The following SDK2 variants were observed in gnomAD, a reference collection of about 807,000 sequenced individuals.
The protein encoded by SDK2 is sidekick cell adhesion molecule 2.
SDK2 carries 105 observed loss-of-function variants against 253.9 expected under a neutral mutation model. The observed-to-expected ratio is 0.41, with a 90% CI of 0.35 to 0.49. The LOEUF (loss-of-function observed/expected upper bound fraction) is 0.49, where lower values mean the gene tolerates loss of function less well. Among genes scored for constraint, SDK2 ranks in the 20% least tolerant of loss-of-function variants. SDK2 has a pLI of 0.06. For missense variants in SDK2, 2,608 were observed against 3,003.0 expected (o/e 0.87, Z 3.07); for synonymous variants, 1,249 against 1,234.9 (o/e 1.01, Z -0.24).
At chr17:73,564,735 G>C (rs1410881725) in intron 1 of SDK2, among the ~76,000 whole-genome samples, 4 of 152,144 alleles carry the variant, frequency 2.6e-5, no homozygotes, top group Non-Finnish European at 5.9e-5. Context: ...TGAGGCAGGA[G>C]GATCGCTTGA....
chr17:73,591,746 G>T (rs897275165), intron 1 of SDK2, among the ~76,000 whole-genome samples: 2 of 152,274 alleles, frequency 1.3e-5, no homozygotes, highest in East Asian at 3.9e-4. Context: ...AAGGAGACCT[G>T]GTCCCCATCC....
In SDK2 at chr17:73,472,082, C is replaced by T. The variant is rs773108371; in HGVS notation, c.331+30G>A. 1.6e-5 allele frequency: 24 copies of T among 1,501,530 alleles called. No individual in the cohort carries two copies. In the African/African-American group the frequency reaches 2.8e-4, roughly 17 times the overall value. 93.0% of individuals were successfully genotyped at this position (1,501,530 alleles called of 1,614,324 possible). ...TGCCACTCTGGCACCACAGTCGCCC[C>T]CCCTGCCCCTGGGTCCCCATTGTAC... is the stretch of plus-strand genomic sequence containing the variant. On this transcript the variant is annotated intron_variant, in intron 3 of 44. Transcript: ENST00000392650.
At position 73,402,054 on chromosome 17, in the gene SDK2, C is replaced by A. The variant is rs772950192; in HGVS notation, c.2572G>T (p.Val858Leu). The change falls in exon 19 of 45, where the codon GTG becomes TTG. Residue 858 changes from valine to leucine, a missense_variant. Transcript: ENST00000392650. ...TCGGTGAACTTCTTCAGGCCAGACACGAAGCCCACGTGGATGCTGTCTTGA... is the reference window on the plus strand; with the variant it reads ...TCGGTGAACTTCTTCAGGCCAGACAAGAAGCCCACGTGGATGCTGTCTTGA... ...NFQDSIHVGF[V>L]SGLKKFTEYF... 3.1e-6 allele frequency: 5 copies of A among 1,613,916 alleles called. No individual in the cohort carries two copies. The highest frequency in any genetic ancestry group is 4.2e-6 in the Non-Finnish European group (5 of 1,179,898).
At chr17:73,499,987 G>A (rs992245748) in intron 2 of SDK2, among the ~76,000 whole-genome samples, 1 of 151,968 alleles carries the variant, frequency 6.6e-6, no homozygotes, top group South Asian at 2.1e-4. Flanking sequence ...GCCAGAAGGT[G>A]TTACCAAGGT....
intron 1 of SDK2, among the ~76,000 whole-genome samples, chr17:73,578,461 T>G (rs145166867): frequency 4.6e-5 from 7 of 152,310 alleles, no homozygotes; most frequent in African/African-American, 1.7e-4. Flanking sequence ...CCACCACATT[T>G]GGGGTCATTT....
intron 1 of SDK2, among the ~76,000 whole-genome samples, chr17:73,543,515 C>G (rs903188583): frequency 2.0e-5 from 3 of 152,250 alleles, no homozygotes; most frequent in African/African-American, 7.2e-5. Context: ...AGACAGAGAA[C>G]CACTCTTCAG....
chr17:73,407,135 C>A (rs2063085796), intron 18 of SDK2, among the ~76,000 whole-genome samples: 1 of 152,186 alleles, frequency 6.6e-6, no homozygotes. Flanking sequence ...AAACAACAAC[C>A]ATTTCTGGAA....
intron 18 of SDK2, among the ~76,000 whole-genome samples, chr17:73,410,838 G>A (rs2063119440): frequency 1.3e-5 from 2 of 152,200 alleles, no homozygotes; most frequent in Admixed American, 6.5e-5. Context: ...GGAATTCAGT[G>A]GCCTCTGCCA....
intron 1 of SDK2, among the ~76,000 whole-genome samples, chr17:73,535,796 T>C (rs912481694): frequency 6.6e-6 from 1 of 152,118 alleles, no homozygotes; most frequent in African/African-American, 2.4e-5. Flanking sequence ...AGGGGGCTGA[T>C]TAGGAACCTG....
intron 1 of SDK2, among the ~76,000 whole-genome samples, chr17:73,545,322 T>C (rs1337759940): frequency 6.6e-6 from 1 of 151,902 alleles, no homozygotes; most frequent in African/African-American, 2.4e-5. Flanking sequence ...ACCCCTACTG[T>C]ATGTGGTTCG....
chr17:73,349,358 C>T (rs1207119486), intron 43 of SDK2, among the ~76,000 whole-genome samples: 1 of 152,194 alleles, frequency 6.6e-6, no homozygotes, highest in Non-Finnish European at 1.5e-5. Context: ...CAGAGGGAAG[C>T]TTTGTGAGCT....
In SDK2 at chr17:73,494,214, G is replaced by C. The variant is rs145679640; in HGVS notation, c.224+13224C>G. Among the ~76,000 whole-genome samples the C allele has an allele frequency of 1.3e-3, 198 of 152,308 alleles. 2 individuals are homozygous for C. The highest frequency in any genetic ancestry group is 4.6e-3 in the African/African-American group (193 of 41,566). Reference sequence around the variant, plus strand: ...CAAGCAGCACTGCACGGAGACTCAGGGGGCCTGGGTCTGAATTTTAATTCT... The same window carrying C: ...CAAGCAGCACTGCACGGAGACTCAGCGGGCCTGGGTCTGAATTTTAATTCT... On this transcript the variant is annotated intron_variant, in intron 2 of 44. Coordinates refer to ENST00000392650, the MANE Select transcript of SDK2 (RefSeq NM_001144952.2).
Position 73,382,067 on chromosome 17 carries a change from T to C in SDK2, c.4706-1117A>G, listed in dbSNP as rs376692565. ...CCGTTTCTACTAAAATTACAAAAAA[T>C]TAGCTGGGCGTGGTAGTGTGCGCCG... On this transcript the variant is annotated intron_variant, in intron 33 of 44. Coordinates refer to ENST00000392650, the MANE Select transcript of SDK2 (RefSeq NM_001144952.2). Among the ~76,000 whole-genome samples the C allele has an allele frequency of 2.0e-4, 31 of 151,898 alleles. No homozygotes were observed. In the South Asian group the frequency reaches 2.1e-3, roughly 10 times the overall value.
chr17:73,554,979 A>G (rs990352138), intron 1 of SDK2, among the ~76,000 whole-genome samples: 1 of 152,248 alleles, frequency 6.6e-6, no homozygotes, highest in African/African-American at 2.4e-5. Context: ...GAGCTCAGGC[A>G]GGGCCTTGGT....
chr17:73,381,026 A>G, intron 33 of SDK2, 76 bp from the exon 34 acceptor site: 1 of 899,540 alleles, frequency 1.1e-6, no homozygotes, highest in Non-Finnish European at 1.8e-6. Flanking sequence ...ACACATCCCC[A>G]CCCCACAAAG....
intron 27 of SDK2, among the ~76,000 whole-genome samples, chr17:73,393,008 G>A (rs1347535230): frequency 1.3e-5 from 2 of 152,100 alleles, no homozygotes; most frequent in Admixed American, 6.6e-5. Context: ...ATGTTGGGAG[G>A]CTGAGGTGGG....
At chr17:73,573,674 G>T (rs1440424542) in intron 1 of SDK2, among the ~76,000 whole-genome samples, 1 of 152,206 alleles carries the variant, frequency 6.6e-6, no homozygotes, top group Non-Finnish European at 1.5e-5. Flanking sequence ...AGGCATGCCT[G>T]CTCCCCTCCG....
intron 1 of SDK2, among the ~76,000 whole-genome samples, chr17:73,585,994 C>T (rs9914580): frequency 0.18 from 28,035 of 152,104 alleles, 2,934 homozygotes; most frequent in African/African-American, 0.27. Flanking sequence ...GGACAAGAAA[C>T]GGACAGTTGG....
At chr17:73,346,986 G>A (rs144868058) in intron 44 of SDK2, among the ~76,000 whole-genome samples, 1 of 152,324 alleles carries the variant, frequency 6.6e-6, no homozygotes, top group East Asian at 1.9e-4. Flanking sequence ...TGGGGGCTCC[G>A]CATTGCAGAT....
Sources: allele counts gnomAD v4.1 joint callset (sites outside exome capture counted in the v4.1 genomes callset), GRCh38; gene constraint gnomAD v4.1.1; transcripts MANE v1.5; gene names NCBI Gene and HGNC (gene_info 2026-07-23, HGNC 2026-07-21).